The following PCDH7 variants were observed in gnomAD, a reference collection of about 807,000 sequenced individuals.
PCDH7 encodes protocadherin 7, also known as protocadherin-7.
A neutral mutation model predicts 58.9 loss-of-function variants in PCDH7; 17 were observed. The observed-to-expected ratio is 0.29, with a 90% CI of 0.20 to 0.43. The LOEUF is 0.43. Ranked by LOEUF, PCDH7 falls within the 20% of genes least tolerant of loss-of-function variation. The pLI is 1.00. For synonymous variants in PCDH7, 664 were observed against 616.4 expected (o/e 1.08, Z -1.14); for missense variants, 1,274 against 1,441.0 (o/e 0.88, Z 1.88).
At chr4:30,797,277 G>C (rs888505579) in intron 1 of PCDH7, among the ~76,000 whole-genome samples, 2 of 150,732 alleles carry the variant, frequency 1.3e-5, no homozygotes, top group African/African-American at 4.9e-5. Context: ...TGTTTGGTTT[G>C]GTTTGGTTTT....
At chr4:31,035,137 A>G (rs1364134935) in intron 3 of PCDH7, among the ~76,000 whole-genome samples, 4 of 152,190 alleles carry the variant, frequency 2.6e-5, no homozygotes, top group African/African-American at 7.2e-5. Flanking sequence ...CATGGGAGAA[A>G]CATGGAGATG....
intron 3 of PCDH7, among the ~76,000 whole-genome samples, chr4:31,053,709 C>T (rs1279601363): frequency 1.3e-5 from 2 of 152,142 alleles, no homozygotes; most frequent in African/African-American, 2.4e-5. Context: ...ACTCACTGTT[C>T]GTCACGTATA....
chr4:30,814,143 T>C (rs1036310047), intron 1 of PCDH7, among the ~76,000 whole-genome samples: 1 of 152,088 alleles, frequency 6.6e-6, no homozygotes, highest in African/African-American at 2.4e-5. Context: ...ATTTTACATA[T>C]AGGCAATTTT....
Position 31,082,367 on chromosome 4 carries a change from T to C in PCDH7, c.*8-60106T>C, listed in dbSNP as rs567915798. Among the ~76,000 whole-genome samples the C allele has an allele frequency of 5.5e-4, 83 of 152,236 alleles. 1 individual carries two copies. In the Middle Eastern group the frequency reaches 0.01, roughly 19 times the overall value. ...TATAAAAGGTCTGTAGATTACATTG[T>C]TTTTTTCCCCAACATAAAATGTGAA... is the stretch of plus-strand genomic sequence containing the variant. On this transcript the variant is annotated intron_variant, in intron 3 of 3. Coordinates refer to the PCDH7 transcript ENST00000509759.
intron 3 of PCDH7, among the ~76,000 whole-genome samples, chr4:31,073,072 ATAT>A (rs1758686045): frequency 6.6e-6 from 1 of 152,186 alleles, no homozygotes; most frequent in Non-Finnish European, 1.5e-5. Context: ...GAGTATGTAA[ATAT>A]TATAGTAGAT....
chr4:30,728,318 G>C (rs978989154), intron 1 of PCDH7, among the ~76,000 whole-genome samples: 1 of 147,570 alleles, frequency 6.8e-6, no homozygotes, highest in Non-Finnish European at 1.5e-5. Flanking sequence ...GAGAGAGAGA[G>C]AGAGCATATA....
intron 3 of PCDH7, among the ~76,000 whole-genome samples, chr4:31,027,481 G>A (rs1198589532): frequency 6.6e-6 from 1 of 152,022 alleles, no homozygotes; most frequent in African/African-American, 2.4e-5. Flanking sequence ...GGATTGCAGT[G>A]ATGCAATCTC....
chr4:30,968,407 TATATATATGG>T (rs200284617), intron 3 of PCDH7, among the ~76,000 whole-genome samples: 2,190 of 44,676 alleles, frequency 0.049, 59 homozygotes, highest in African/African-American at 0.059. Context: ...TATATATATA[TATATATATGG>T]GATATTATGT....
At chr4:30,907,156 G>A (rs1303710712) in intron 1 of PCDH7, among the ~76,000 whole-genome samples, 1 of 152,124 alleles carries the variant, frequency 6.6e-6, no homozygotes, top group South Asian at 2.1e-4. Context: ...GGACTTCTCA[G>A]CAACTGTGTA....
chr4:30,931,473 G>A (rs1744582973), intron 2 of PCDH7, among the ~76,000 whole-genome samples: 1 of 152,084 alleles, frequency 6.6e-6, no homozygotes, highest in Non-Finnish European at 1.5e-5. Flanking sequence ...TACGCGGGAG[G>A]CTGAGACAGG....
intron 1 of PCDH7, among the ~76,000 whole-genome samples, chr4:30,767,064 T>A (rs1720842793): frequency 6.6e-6 from 1 of 152,090 alleles, no homozygotes; most frequent in Non-Finnish European, 1.5e-5. Flanking sequence ...TAATGTCACA[T>A]CAAGTTCTTA....
chr4:30,897,025 C>T (rs921001248), intron 1 of PCDH7, among the ~76,000 whole-genome samples: 1 of 150,412 alleles, frequency 6.6e-6, no homozygotes, highest in Non-Finnish European at 1.5e-5. Context: ...CTGCCTCAGC[C>T]TCCCGCGTAG....
intron 1 of PCDH7, among the ~76,000 whole-genome samples, chr4:30,844,647 C>T (rs1731673024): frequency 6.6e-6 from 1 of 152,100 alleles, no homozygotes; most frequent in Non-Finnish European, 1.5e-5. Context: ...TCACACAAAC[C>T]ACATTATTTA....
At chr4:31,137,697 A>T (rs563769828) in intron 3 of PCDH7, among the ~76,000 whole-genome samples, 1 of 152,330 alleles carries the variant, frequency 6.6e-6, no homozygotes, top group South Asian at 2.1e-4. Flanking sequence ...TTAATGAACA[A>T]ATTGGAGGAA....
At chr4:31,132,621 C>T (rs1253298022) in intron 3 of PCDH7, among the ~76,000 whole-genome samples, 1 of 152,042 alleles carries the variant, frequency 6.6e-6, no homozygotes, top group Non-Finnish European at 1.5e-5. Flanking sequence ...TAAATTGATA[C>T]TTACAACTGT....
chr4:31,030,909 T>C, intron 3 of PCDH7, among the ~76,000 whole-genome samples: 1 of 152,194 alleles, frequency 6.6e-6, no homozygotes, highest in East Asian at 1.9e-4. Flanking sequence ...TTTGATGGTT[T>C]CTGAGCAAAT....
chr4:30,826,909 G>A (rs892054297), intron 1 of PCDH7, among the ~76,000 whole-genome samples: 4 of 151,786 alleles, frequency 2.6e-5, no homozygotes, highest in African/African-American at 7.3e-5. Flanking sequence ...TATTTTTTTT[G>A]TAGAGACGGG....
intron 3 of PCDH7, among the ~76,000 whole-genome samples, chr4:31,076,151 G>C (rs1381189772): frequency 6.6e-6 from 1 of 152,156 alleles, no homozygotes; most frequent in Non-Finnish European, 1.5e-5. Flanking sequence ...GAAGCTCTTA[G>C]AGTGCAGAGG....
At position 30,866,242 on chromosome 4, in the gene PCDH7, G is replaced by C. The variant is rs149552117; in HGVS notation, c.71-53911G>C. ...TATTTACATGTTGGTAATGAGGGGAGATTTGAGAAGTTTAACCTGGCTTGT... is the reference window on the plus strand; with the variant it reads ...TATTTACATGTTGGTAATGAGGGGACATTTGAGAAGTTTAACCTGGCTTGT... On this transcript the variant is annotated intron_variant, in intron 1 of 3. Coordinates refer to the PCDH7 transcript ENST00000509759. Among the ~76,000 whole-genome samples, 578 of 152,140 alleles carry C rather than the reference G, an allele frequency of 3.8e-3. 3 individuals carry two copies. Among genetic ancestry groups the C allele is most frequent in the African/African-American group, 0.013 (559 of 41,558 alleles).
Sources: allele counts gnomAD v4.1 joint callset (sites outside exome capture counted in the v4.1 genomes callset), GRCh38; gene constraint gnomAD v4.1.1; transcripts MANE v1.5; gene names NCBI Gene and HGNC (gene_info 2026-07-23, HGNC 2026-07-21).